Variants in INPP4B observed in about 807,000 individuals in gnomAD.
The protein encoded by INPP4B is inositol polyphosphate 4-phosphatase type II.
INPP4B carries 55 observed loss-of-function variants against 122.5 expected under a neutral mutation model. That is an observed-to-expected ratio of 0.45 (90% CI 0.36 to 0.56). The LOEUF (loss-of-function observed/expected upper bound fraction) is 0.56. Among genes scored for constraint, INPP4B ranks in the 20% least tolerant of loss-of-function variants. The probability of loss-of-function intolerance (pLI) is 0.00; values close to 1 mark genes in which losing one functional copy is unlikely to be tolerated. For missense variants in INPP4B, 1,000 were observed against 1,097.7 expected, an observed-to-expected ratio of 0.91 and a Z score of 1.26; for synonymous variants, 403 against 388.7, an observed-to-expected ratio of 1.04 and a Z score of -0.43.
chr4:142,439,758 C>A (rs1361110827), intron 3 of INPP4B, among the ~76,000 whole-genome samples: 1 of 152,146 alleles, frequency 6.6e-6, no homozygotes, highest in Non-Finnish European at 1.5e-5. Context: ...TTGATGACAA[C>A]CTATGATATC....
intron 1 of INPP4B, among the ~76,000 whole-genome samples, chr4:142,753,801 GAAC>G (rs1400443910): frequency 6.6e-6 from 1 of 151,878 alleles, no homozygotes; most frequent in Non-Finnish European, 1.5e-5. Flanking sequence ...AAAATATTAA[GAAC>G]AATAGCATAT....
At chr4:142,112,876 G>A (rs12498546) in intron 21 of INPP4B, among the ~76,000 whole-genome samples, 194 bp from the exon 22 acceptor site, 21,326 of 151,896 alleles carry the variant, frequency 0.14, 1,727 homozygotes, top group East Asian at 0.23. Flanking sequence ...ATTCATTTAC[G>A]TGTGTGATTT....
At chr4:142,413,578 G>A (rs1175329910) in intron 5 of INPP4B, among the ~76,000 whole-genome samples, 2 of 152,064 alleles carry the variant, frequency 1.3e-5, no homozygotes, top group Non-Finnish European at 2.9e-5. Flanking sequence ...AAGAAGGTGA[G>A]GTGTGGCAGG....
intron 8 of INPP4B, among the ~76,000 whole-genome samples, chr4:142,306,408 T>C (rs1168986453): frequency 6.6e-6 from 1 of 152,172 alleles, no homozygotes; most frequent in South Asian, 2.1e-4. Flanking sequence ...TTATTTCTTA[T>C]GCCACTGCAG....
chr4:142,546,589 G>A (rs7655597), intron 2 of INPP4B, among the ~76,000 whole-genome samples: 141,087 of 152,102 alleles, frequency 0.93, 66,416 homozygotes, highest in East Asian at 1. Flanking sequence ...TTATGATTAC[G>A]TGTCAACACG....
intron 2 of INPP4B, among the ~76,000 whole-genome samples, chr4:142,519,837 A>G (rs1017614090): frequency 1.3e-5 from 2 of 152,120 alleles, no homozygotes; most frequent in East Asian, 1.9e-4. Context: ...TTATATCACT[A>G]TATTTCCAAG....
intron 12 of INPP4B, among the ~76,000 whole-genome samples, chr4:142,209,792 C>CAAAAAA (rs375306534): frequency 1.0e-4 from 4 of 39,522 alleles, no homozygotes; most frequent in Admixed American, 5.0e-4. Context: ...GACCCCGTCT[C>CAAAAAA]AAAAAAAAAA....
At chr4:142,451,051 G>A (rs1205491329) in intron 3 of INPP4B, among the ~76,000 whole-genome samples, 1 of 151,132 alleles carries the variant, frequency 6.6e-6, no homozygotes, top group African/African-American at 2.4e-5. Context: ...ACAGAAAAGT[G>A]AAAATCAAAA....
Position 142,315,715 on chromosome 4 carries a change from T to C in INPP4B, c.373-953A>G, listed in dbSNP as rs549662539. On this transcript the variant is annotated intron_variant, in intron 7 of 25. Coordinates refer to ENST00000262992, the MANE Select transcript of INPP4B (RefSeq NM_001101669.3). ...AAACAAGAAACATATCTAGTATGTC[T>C]TAATTTGAAATAAAGATGAGTTAAA... is the stretch of plus-strand genomic sequence containing the variant. 1.4e-4 allele frequency among the ~76,000 whole-genome samples: 21 copies of C among 151,110 alleles called. No homozygotes were observed. In the East Asian group the frequency reaches 3.5e-3, roughly 25 times the overall value.
At chr4:142,288,332 C>A (rs146586628) in intron 9 of INPP4B, among the ~76,000 whole-genome samples, 2,382 of 152,314 alleles carry the variant, frequency 0.016, 60 homozygotes, top group African/African-American at 0.054. Context: ...CGCCTGTAAT[C>A]CCAGCACTTT....
At chr4:142,260,247 G>T (rs1435213924) in intron 11 of INPP4B, among the ~76,000 whole-genome samples, 1 of 152,132 alleles carries the variant, frequency 6.6e-6, no homozygotes, top group Non-Finnish European at 1.5e-5. Context: ...GCCTCCCAAA[G>T]TGCTGGGATT....
intron 2 of INPP4B, among the ~76,000 whole-genome samples, chr4:142,706,752 T>A (rs541292417): frequency 6.6e-6 from 1 of 152,368 alleles, no homozygotes; most frequent in South Asian, 2.1e-4. Context: ...ATATGCATTA[T>A]ACACTATGCA....
intron 2 of INPP4B, among the ~76,000 whole-genome samples, chr4:142,632,761 T>C (rs963830334): frequency 6.6e-6 from 1 of 151,990 alleles, no homozygotes; most frequent in African/African-American, 2.4e-5. Context: ...TATCAACTGA[T>C]ATTAAATTTT....
intron 18 of INPP4B, among the ~76,000 whole-genome samples, chr4:142,137,213 C>T (rs903468581): frequency 1.3e-5 from 2 of 151,518 alleles, no homozygotes; most frequent in Admixed American, 6.6e-5. Flanking sequence ...CAGAACAGAG[C>T]CCTCAGAAAT....
At chr4:142,207,060 T>C (rs921830965) in intron 14 of INPP4B, among the ~76,000 whole-genome samples, 6 of 152,174 alleles carry the variant, frequency 3.9e-5, no homozygotes, top group Non-Finnish European at 7.4e-5. Context: ...TATTTGTCCC[T>C]CTGTATCCTG....
chr4:142,147,592 A>G (rs1561286799), intron 17 of INPP4B, among the ~76,000 whole-genome samples: 2 of 152,174 alleles, frequency 1.3e-5, no homozygotes, highest in East Asian at 3.9e-4. Flanking sequence ...ATGGGAGCCA[A>G]ATGCTGTGTT....
intron 3 of INPP4B, among the ~76,000 whole-genome samples, chr4:142,434,890 TAGAAA>T (rs1562092979): frequency 1.3e-5 from 2 of 150,830 alleles, no homozygotes; most frequent in Non-Finnish European, 3.0e-5. Context: ...GCTGATAAAC[TAGAAA>T]AAAAAAATCA....
intron 2 of INPP4B, among the ~76,000 whole-genome samples, chr4:142,525,892 A>T (rs1419423374): frequency 6.6e-6 from 1 of 151,898 alleles, no homozygotes; most frequent in East Asian, 1.9e-4. Context: ...GACAAATGGG[A>T]TCTAATTAAA....
At chr4:142,455,147 A>C (rs1226034584) in intron 3 of INPP4B, among the ~76,000 whole-genome samples, 1 of 152,064 alleles carries the variant, frequency 6.6e-6, no homozygotes, top group Non-Finnish European at 1.5e-5. Context: ...TCAAGCAATT[A>C]TCCTTTGTGT....
Sources: allele counts gnomAD v4.1 joint callset (sites outside exome capture counted in the v4.1 genomes callset), GRCh38; gene constraint gnomAD v4.1.1; transcripts MANE v1.5; gene names NCBI Gene and HGNC (gene_info 2026-07-23, HGNC 2026-07-21).